The following PLA2G5 variants were observed in gnomAD, a reference collection of about 807,000 sequenced individuals.
PLA2G5 encodes Ca2+-dependent phospholipase A2.
Under a neutral mutation model 15.9 loss-of-function variants are expected in PLA2G5, and 12 were observed. The observed-to-expected ratio is 0.76, with a 90% confidence interval of 0.48 to 1.23. The LOEUF (loss-of-function observed/expected upper bound fraction) is 1.23, where lower values mean the gene tolerates loss of function less well. PLA2G5 is among the 50% of genes most tolerant of loss of function. The pLI, the probability that PLA2G5 is intolerant of heterozygous loss-of-function variation, is 0.00. For missense variants in PLA2G5, 169 were observed against 177.1 expected, an observed-to-expected ratio of 0.95 and a Z score of 0.26; for synonymous variants, 71 against 71.4, an observed-to-expected ratio of 0.99 and a Z score of 0.03.
At chr1:20,052,205 G>A (rs1034193428) in intron 1 of PLA2G5, among the ~76,000 whole-genome samples, 1 of 149,524 alleles carries the variant, frequency 6.7e-6, no homozygotes, top group Non-Finnish European at 1.5e-5. Context: ...ATGGGAAACT[G>A]GAGAATGAAA....
At chr1:20,087,262 A>G (rs1212121280) in intron 3 of PLA2G5, among the ~76,000 whole-genome samples, 1 of 152,190 alleles carries the variant, frequency 6.6e-6, no homozygotes, top group East Asian at 1.9e-4. Context: ...AATACTTTTT[A>G]TGTGCAATCT....
rs1230272069 is a variant in PLA2G5 at position 20,091,588 on chromosome 1, T to C, written c.*896T>C. ...TCTAAAGCCCACCTTGATGCTGATA[T>C]GGAGAATGCTGAGGTTCTAGGATTT... On this transcript the variant is annotated 3_prime_UTR_variant, in exon 5 of 5. Transcript: ENST00000375108. Among the ~76,000 whole-genome samples the C allele has an allele frequency of 6.6e-6, 1 of 152,174 alleles. No individual in the cohort carries two copies. The highest frequency in any genetic ancestry group is 1.5e-5 in the Non-Finnish European group (1 of 68,046).
Position 20,059,066 on chromosome 1 carries a change from C to T in PLA2G5, n.277-566C>T, listed in dbSNP as rs148909724. 1.5e-3 allele frequency among the ~76,000 whole-genome samples: 209 copies of T among 137,046 alleles called. 1 individual carries two copies. The highest frequency in any genetic ancestry group is 9.6e-3 in the Middle Eastern group (2 of 208). The allele number at this position is 137,046 out of a possible 152,430, so 89.9% of individuals were successfully genotyped here. ...GTGTGCACCTGTAATCCCAGCTACTCAGGAGGCTGAGGTGAGAGAATCACC... is the reference window on the plus strand; with the variant it reads ...GTGTGCACCTGTAATCCCAGCTACTTAGGAGGCTGAGGTGAGAGAATCACC... On this transcript the variant is annotated intron_variant and non_coding_transcript_variant, in intron 1 of 6. Coordinates refer to the PLA2G5 transcript ENST00000460175.
chr1:20,070,087 A>G, upstream of PLA2G5: 1 of 487,376 alleles, frequency 2.1e-6, no homozygotes, highest in Non-Finnish European at 2.7e-6. Flanking sequence ...ATATTTCAGG[A>G]CTCAAATCCA....
chr1:20,043,042 C>T lies in PLA2G5; in HGVS notation n.276+14333C>T, dbSNP rs2013702617. ...CTTGACTGAAGTAATGGGGGCTGTTCCTGAAGCCTTGCAGCAATACAGCCT... is the reference window on the plus strand; with the variant it reads ...CTTGACTGAAGTAATGGGGGCTGTTTCTGAAGCCTTGCAGCAATACAGCCT... On this transcript the variant is annotated intron_variant and non_coding_transcript_variant, in intron 1 of 6. Transcript: ENST00000460175. 3.3e-5 allele frequency among the ~76,000 whole-genome samples: 5 copies of T among 152,176 alleles called. No homozygotes were observed. In the South Asian group the frequency reaches 1.0e-3, roughly 32 times the overall value.
At chr1:20,044,180 A>G (rs183900549) in intron 1 of PLA2G5, among the ~76,000 whole-genome samples, 2 of 152,204 alleles carry the variant, frequency 1.3e-5, no homozygotes, top group Admixed American at 1.3e-4. Flanking sequence ...GAGGTCCTGT[A>G]GGAATGCTTG....
At chr1:20,053,053 A>G (rs954604608) in intron 1 of PLA2G5, among the ~76,000 whole-genome samples, 1 of 152,136 alleles carries the variant, frequency 6.6e-6, no homozygotes, top group Non-Finnish European at 1.5e-5. Flanking sequence ...CCTAAAATGT[A>G]TAAAACCAAA....
Position 20,081,341 on chromosome 1 carries a change from C to T in PLA2G5, c.-10-3480C>T, listed in dbSNP as rs11573247. Among the ~76,000 whole-genome samples the T allele has an allele frequency of 6.4e-4, 97 of 152,064 alleles. No individual in the cohort carries two copies. In the South Asian group the frequency reaches 0.02, roughly 31 times the overall value. ...TCCACCATGAAACTGCTTTTTTACT[C>T]TTTCCAGGGTGTGGGTTTTCTCCAG... On this transcript the variant is annotated intron_variant, in intron 1 of 4. Transcript: ENST00000375108.
At chr1:20,072,891 G>C (rs2015456376) in intron 1 of PLA2G5, among the ~76,000 whole-genome samples, 1 of 152,250 alleles carries the variant, frequency 6.6e-6, no homozygotes, top group South Asian at 2.1e-4. Flanking sequence ...CACTGGGTTA[G>C]AAACTTTTCG....
intron 1 of PLA2G5, among the ~76,000 whole-genome samples, chr1:20,042,500 C>T (rs751995649): frequency 6.6e-6 from 1 of 152,006 alleles, no homozygotes; most frequent in Non-Finnish European, 1.5e-5. Flanking sequence ...CCGCACAGCC[C>T]TGCACTTTGT....
At chr1:20,085,030 C>A (rs2016215542) in intron 2 of PLA2G5, among the ~76,000 whole-genome samples, 160 bp downstream of exon 2, 1 of 152,138 alleles carries the variant, frequency 6.6e-6, no homozygotes, top group South Asian at 2.1e-4. Flanking sequence ...TGCCTCCGAG[C>A]CTCTGCTTCC....
chr1:20,043,035 G>T (rs1195447542), intron 1 of PLA2G5, among the ~76,000 whole-genome samples: 1 of 152,112 alleles, frequency 6.6e-6, no homozygotes, highest in African/African-American at 2.4e-5. Context: ...AAGTAATGGG[G>T]GCTGTTCCTG....
At chr1:20,071,366 T>C (rs1296562986) in intron 1 of PLA2G5, among the ~76,000 whole-genome samples, 1 of 152,182 alleles carries the variant, frequency 6.6e-6, no homozygotes, top group Non-Finnish European at 1.5e-5. Flanking sequence ...TGAGACACCC[T>C]CAAGGATTCA....
chr1:20,087,196 A>G (rs1304714891), intron 3 of PLA2G5, among the ~76,000 whole-genome samples: 2 of 152,212 alleles, frequency 1.3e-5, no homozygotes, highest in Non-Finnish European at 2.9e-5. Flanking sequence ...GATGTAAGTA[A>G]TAGGAGAAAA....
chr1:20,065,836 G>A (rs1046259298), upstream of PLA2G5, among the ~76,000 whole-genome samples: 11 of 152,160 alleles, frequency 7.2e-5, no homozygotes, highest in African/African-American at 2.2e-4. Flanking sequence ...ACTATATTTA[G>A]CTTTGTAAGA....
intron 1 of PLA2G5, among the ~76,000 whole-genome samples, chr1:20,041,761 T>C (rs2013612881): frequency 6.6e-6 from 1 of 152,146 alleles, no homozygotes; most frequent in Non-Finnish European, 1.5e-5. Flanking sequence ...ACCATTTGCC[T>C]TGTATGGGAA....
At chr1:20,035,237 C>A (rs1427834630) in intron 1 of PLA2G5, among the ~76,000 whole-genome samples, 2 of 152,128 alleles carry the variant, frequency 1.3e-5, no homozygotes, top group African/African-American at 4.8e-5. Flanking sequence ...CAACTTAATC[C>A]AAGTTCCCAC....
At chr1:20,088,866 T>C (rs2016427219) in intron 3 of PLA2G5, 1 of 152,220 alleles carries the variant, frequency 6.6e-6, no homozygotes, top group Admixed American at 6.5e-5. Flanking sequence ...AATGGTGCGA[T>C]CTCAGCTCAC....
At position 20,070,253 on chromosome 1, in the gene PLA2G5, C is replaced by G; in HGVS notation, c.-223C>G. 1.0e-6 allele frequency: 1 copy of G among 985,606 alleles called. No homozygotes were observed. The highest frequency in any genetic ancestry group is 1.2e-6 in the Non-Finnish European group (1 of 830,052). The allele number at this position is 985,606 out of a possible 1,614,324, so 61.1% of individuals were successfully genotyped here. A position where few individuals can be genotyped will look rare whatever the true frequency, so the allele number is the denominator to read the frequency against. On this transcript the variant is annotated 5_prime_UTR_variant, in exon 1 of 5. Coordinates refer to ENST00000375108, the MANE Select transcript of PLA2G5 (RefSeq NM_000929.3). ...TCCAGGCAGAAGTTTTTCCTCCCCA[C>G]CTCCGGGTTTGTCCTCATCATCGGT...
Sources: gnomAD v4.1 joint callset for allele counts (sites outside exome capture counted in the v4.1 genomes callset) on GRCh38, gnomAD v4.1.1 for gene constraint, MANE v1.5 for transcripts, NCBI Gene and HGNC (gene_info 2026-07-23, HGNC 2026-07-21) for gene names.